The following CABLES1 variants were observed in gnomAD, a reference collection of about 807,000 sequenced individuals.
The protein encoded by CABLES1 is CDK5 and ABL1 enzyme substrate 1.
Under a neutral mutation model 57.8 loss-of-function variants are expected in CABLES1, and 36 were observed. That is an observed-to-expected ratio of 0.62 (90% CI 0.48 to 0.82). CABLES1 has a LOEUF of 0.82. Among genes scored for constraint, CABLES1 ranks in the 40% least tolerant of loss-of-function variants. CABLES1 has a pLI of 0.00. For synonymous variants in CABLES1, 374 were observed against 363.0 expected (o/e 1.03, Z -0.35); for missense variants, 767 against 836.6 (o/e 0.92, Z 1.03).
rs183707016 is a variant in CABLES1 at position 23,246,680 on chromosome 18, C to T, written c.1447-6280C>T. Among the ~76,000 whole-genome samples, 302 of 151,562 alleles carry T rather than the reference C, an allele frequency of 2.0e-3. 9 individuals are homozygous for T. The highest frequency in any genetic ancestry group is 5.0e-3 in the African/African-American group (205 of 41,128). On this transcript the variant is annotated intron_variant, in intron 7 of 9. Coordinates refer to ENST00000256925, the MANE Select transcript of CABLES1 (RefSeq NM_001100619.3). ...TGCTGGGATTATATGCTTGAGCCAC[C>T]GCACCCGGCCAGTTTTTTCGTTTTT...
intron 1 of CABLES1, among the ~76,000 whole-genome samples, chr18:23,168,660 C>T (rs779871086): frequency 5.4e-4 from 83 of 152,320 alleles, no homozygotes; most frequent in South Asian, 2.9e-3. Flanking sequence ...GGGCATGGAG[C>T]AAAGCTGCGT....
intron 1 of CABLES1, among the ~76,000 whole-genome samples, chr18:23,144,500 C>G (rs2046879131): frequency 6.6e-6 from 1 of 152,220 alleles, no homozygotes; most frequent in Non-Finnish European, 1.5e-5. Context: ...TCTCTCCCAC[C>G]CTCAGGAGGG....
chr18:23,209,792 T>C (rs2047390929), intron 3 of CABLES1, among the ~76,000 whole-genome samples: 1 of 100,444 alleles, frequency 1.0e-5, no homozygotes, highest in Non-Finnish European at 2.3e-5. Flanking sequence ...TTGAGGACCG[T>C]GGCTGGTGAG....
At position 23,257,932 on chromosome 18, in the gene CABLES1, C is replaced by CG. The variant is rs1350649303; in HGVS notation, c.*566dup. The CG allele has an allele frequency of 1.3e-5, 2 of 152,280 alleles. No homozygotes were observed. Among genetic ancestry groups the CG allele is most frequent in the African/African-American group, 4.8e-5 (2 of 41,468 alleles). The allele number at this position is 152,280 out of a possible 1,614,324, so 9.4% of individuals were successfully genotyped here. Reference sequence around the variant, plus strand: ...AGCCCTAGACCCCCAGAGCCAGTCCCGCCCTTTACAGAGCAGCCCTTAGCC... The same window carrying CG: ...AGCCCTAGACCCCCAGAGCCAGTCCCGGCCCTTTACAGAGCAGCCCTTAGCC... On this transcript the variant is annotated 3_prime_UTR_variant, in exon 10 of 10. Transcript: ENST00000256925.
At position 23,257,487 on chromosome 18, in the gene CABLES1, T is replaced by C; in HGVS notation, c.*120T>C. On this transcript the variant is annotated 3_prime_UTR_variant, in exon 10 of 10. Transcript: ENST00000256925. ...TACCAGACTTTTCTTCCTCTCGACA[T>C]AGTTTGGGGAGAAGCAGTACTAGAA... 1.7e-6 allele frequency: 2 copies of C among 1,159,412 alleles called. No individual in the cohort carries two copies. Among genetic ancestry groups the C allele is most frequent in the Non-Finnish European group, 2.4e-6 (2 of 848,544 alleles). The allele number at this position is 1,159,412 out of a possible 1,614,324, so 71.8% of individuals were successfully genotyped here.
At position 23,135,721 on chromosome 18, in the gene CABLES1, G is replaced by A; in HGVS notation, c.-42G>A. 1.0e-6 allele frequency: 1 copy of A among 985,826 alleles called. No homozygotes were observed. Among genetic ancestry groups the A allele is most frequent in the Non-Finnish European group, 1.2e-6 (1 of 831,732 alleles). The allele number at this position is 985,826 out of a possible 1,614,324, so 61.1% of individuals were successfully genotyped here. The stretch of plus-strand genomic sequence containing the variant: ...GCCGCTTAGCGCTCGGGCGCCGCTC[G>A]CTTCTCCGGGCATCGCGGAAATCCC... On this transcript the variant is annotated 5_prime_UTR_variant, in exon 1 of 10. Transcript: ENST00000256925.
At chr18:23,161,775 A>AT (rs1164075029) in intron 1 of CABLES1, among the ~76,000 whole-genome samples, 2 of 148,386 alleles carry the variant, frequency 1.3e-5, no homozygotes, top group African/African-American at 5.0e-5. Flanking sequence ...AAAAAAAAAA[A>AT]GCCAGGTGTG....
intron 1 of CABLES1, among the ~76,000 whole-genome samples, chr18:23,152,292 C>G (rs1236840859): frequency 6.6e-6 from 1 of 152,060 alleles, no homozygotes; most frequent in Non-Finnish European, 1.5e-5. Flanking sequence ...AAAGATGACC[C>G]TATTTCTTCT....
intron 1 of CABLES1, among the ~76,000 whole-genome samples, chr18:23,138,944 TC>T (rs1330342182): frequency 6.6e-6 from 1 of 152,164 alleles, no homozygotes; most frequent in Non-Finnish European, 1.5e-5. Context: ...TCTTCCCTAC[TC>T]CAGACTACGT....
At chr18:23,189,062 A>G (rs2047223179) in intron 2 of CABLES1, 153 bp downstream of exon 2, 1 of 585,066 alleles carries the variant, frequency 1.7e-6, no homozygotes, top group African/African-American at 1.9e-5. Context: ...TGTCTAACCC[A>G]CCTCTGAAGA....
At chr18:23,208,570 C>T (rs780286221) in intron 3 of CABLES1, among the ~76,000 whole-genome samples, 4 of 152,168 alleles carry the variant, frequency 2.6e-5, no homozygotes, top group African/African-American at 9.7e-5. Flanking sequence ...CATTTGTCTC[C>T]GGACATTGGC....
At chr18:23,154,260 T>C (rs915682886) in intron 1 of CABLES1, among the ~76,000 whole-genome samples, 2 of 152,220 alleles carry the variant, frequency 1.3e-5, no homozygotes, top group African/African-American at 4.8e-5. Context: ...CCGCGGTAAC[T>C]AAACAAGCAC....
chr18:23,149,953 G>T (rs964868404), intron 1 of CABLES1: 1 of 152,244 alleles, frequency 6.6e-6, no homozygotes, highest in Non-Finnish European at 1.5e-5. Flanking sequence ...AGTTATCGCT[G>T]ATGTGGGGGC....
chr18:23,226,476 A>AT (rs2047528924), intron 4 of CABLES1, among the ~76,000 whole-genome samples: 2 of 150,834 alleles, frequency 1.3e-5, no homozygotes, highest in African/African-American at 2.4e-5. Context: ...ACTTCCTCCT[A>AT]TTTTTTTACC....
At chr18:23,150,366 G>A (rs1017984140) in intron 1 of CABLES1, among the ~76,000 whole-genome samples, 8 of 152,024 alleles carry the variant, frequency 5.3e-5, no homozygotes, top group South Asian at 2.1e-4. Flanking sequence ...CCGCCACCAC[G>A]CCTGGCTAAT....
chr18:23,216,384 G>C (rs1467580422), intron 4 of CABLES1, among the ~76,000 whole-genome samples: 1 of 152,160 alleles, frequency 6.6e-6, no homozygotes, highest in Non-Finnish European at 1.5e-5. Flanking sequence ...GATAAGTTCT[G>C]TATCTGCAGA....
chr18:23,247,719 C>T lies in CABLES1; in HGVS notation c.1447-5241C>T, dbSNP rs116152135. On this transcript the variant is annotated intron_variant, in intron 7 of 9. Transcript: ENST00000256925. Reference sequence around the variant, plus strand: ...CTGGCTCTTGAGCCTGTGTTCTTCCCCACTGAGCCGCAGCTCAGAGAAGCA... The same window carrying T: ...CTGGCTCTTGAGCCTGTGTTCTTCCTCACTGAGCCGCAGCTCAGAGAAGCA... 8.2e-3 allele frequency among the ~76,000 whole-genome samples: 1,251 copies of T among 152,316 alleles called. 15 individuals are homozygous for T. Among genetic ancestry groups the T allele is most frequent in the African/African-American group, 0.029 (1,195 of 41,558 alleles).
chr18:23,181,274 A>G (rs1167382069), intron 1 of CABLES1, among the ~76,000 whole-genome samples: 2 of 151,978 alleles, frequency 1.3e-5, no homozygotes, highest in African/African-American at 4.8e-5. Context: ...CGGGTGGATC[A>G]CCTGAGGTCA....
At chr18:23,135,344 CT>C (rs2046809719), upstream of CABLES1, 3 of 152,598 alleles carry the variant, frequency 2.0e-5, no homozygotes, top group South Asian at 6.2e-4. Context: ...CGCCGTCTGC[CT>C]CTGCGGCCGC....
Sources: allele counts gnomAD v4.1 joint callset (sites outside exome capture counted in the v4.1 genomes callset), GRCh38; gene constraint gnomAD v4.1.1; transcripts MANE v1.5; gene names NCBI Gene and HGNC (gene_info 2026-07-23, HGNC 2026-07-21).